Variants in SHROOM3 observed in about 807,000 individuals in gnomAD.
SHROOM3 encodes the protein protein Shroom3.
A neutral mutation model predicts 138.6 loss-of-function variants in SHROOM3; 47 were observed. The observed-to-expected ratio is 0.34, with a 90% CI of 0.27 to 0.43. The LOEUF (loss-of-function observed/expected upper bound fraction) is 0.43. SHROOM3 is among the 20% of genes least tolerant of loss of function. SHROOM3 has a pLI of 1.00. For synonymous variants in SHROOM3, 1,062 were observed against 1,063.3 expected (o/e 1.00, Z 0.02); for missense variants, 2,491 against 2,596.5 (o/e 0.96, Z 0.88).
chr4:76,611,377 G>A (rs958974937), intron 2 of SHROOM3, among the ~76,000 whole-genome samples: 3 of 151,476 alleles, frequency 2.0e-5, no homozygotes, highest in African/African-American at 4.9e-5. Flanking sequence ...AAACGATCTC[G>A]TTGTTTTGGT....
intron 5 of SHROOM3, 119 bp from the exon 6 acceptor site, chr4:76,748,898 G>A: frequency 1.2e-6 from 1 of 827,748 alleles, no homozygotes; most frequent in Non-Finnish European, 2.1e-6. Context: ...CCACCACGTG[G>A]CCTGACAATA....
intron 1 of SHROOM3, among the ~76,000 whole-genome samples, chr4:76,519,785 G>C (rs1046278559): frequency 1.3e-5 from 2 of 152,120 alleles, no homozygotes; most frequent in Non-Finnish European, 1.5e-5. Flanking sequence ...ATGTGCATCT[G>C]GGTGTATTAT....
Position 76,741,892 on chromosome 4 carries a change from C to T in SHROOM3, c.3719C>T (p.Ser1240Phe). Residue 1240 changes from serine to phenylalanine, a missense_variant, in exon 5 of 11, where the codon TCC becomes TTC. By Grantham distance (155) the Ser-to-Phe change is radical. Transcript: ENST00000296043. The surrounding 1 kb of genome is among the most constrained non-coding windows in gnomAD (Gnocchi z 6.2). Reference protein sequence around the residue: ...DVLAGPVHVRSRSSPATADKR... With the variant: ...DVLAGPVHVRFRSSPATADKR... The stretch of plus-strand genomic sequence containing the variant: ...CTTGCGGGCCCTGTCCATGTGAGGT[C>T]CAGGTCATCTCCCGCCACCGCAGAC... 6.2e-7 allele frequency: 1 copy of T among 1,612,362 alleles called. No individual in the cohort carries two copies. Among genetic ancestry groups the T allele is most frequent in the East Asian group, 2.2e-5 (1 of 44,862 alleles).
At chr4:76,677,421 G>A (rs1017685164) in intron 2 of SHROOM3, among the ~76,000 whole-genome samples, 5 of 152,104 alleles carry the variant, frequency 3.3e-5, no homozygotes, top group Non-Finnish European at 7.4e-5. Flanking sequence ...GTTGAGCTTC[G>A]TTTTCTCTTC....
At chr4:76,694,545 ACAGTGGAAAGGT>A (rs1472138945) in intron 2 of SHROOM3, among the ~76,000 whole-genome samples, 1 of 152,230 alleles carries the variant, frequency 6.6e-6, no homozygotes, top group Non-Finnish European at 1.5e-5. Context: ...GCAATTGAGT[ACAGTGGAAAGGT>A]CAGAGACTGT....
At chr4:76,589,512 A>G (rs1379862675) in intron 2 of SHROOM3, among the ~76,000 whole-genome samples, 2 of 152,040 alleles carry the variant, frequency 1.3e-5, no homozygotes, top group East Asian at 1.9e-4. Flanking sequence ...TCAGTCACTG[A>G]AGGAGGACTT....
Position 76,740,288 on chromosome 4 carries a change from G to A in SHROOM3, c.2115G>A (p.Gly705=), listed in dbSNP as rs1721202283. ...CAVNTKAEDP[G]RKAAPDLGSH... ...TCAACACCAAGGCAGAAGACCCTGG[G>A]AGGAAAGCCGCTCCTGACCTCGGGA... The change falls in exon 5 of 11, where the codon GGG becomes GGA. Residue 705 remains glycine, a synonymous_variant. Coordinates refer to ENST00000296043, the MANE Select transcript of SHROOM3 (RefSeq NM_020859.4). This position sits in a 1 kb window ranked among gnomAD's most constrained non-coding sequence, Gnocchi z 4.0. 7 of 1,613,168 alleles carry A rather than the reference G, an allele frequency of 4.3e-6. No homozygotes were observed. The South Asian group carries it at 5.5e-5, about 13-fold the overall frequency.
intron 2 of SHROOM3, chr4:76,587,232 C>A (rs538767161): frequency 2.0e-5 from 3 of 152,232 alleles, no homozygotes; most frequent in Non-Finnish European, 1.5e-5. Flanking sequence ...GTATTTGTAA[C>A]TTGAGGATTT....
At chr4:76,669,881 C>T (rs918723717) in intron 2 of SHROOM3, among the ~76,000 whole-genome samples, 2 of 152,178 alleles carry the variant, frequency 1.3e-5, no homozygotes, top group African/African-American at 4.8e-5. Context: ...ACTAAGGTTC[C>T]ACATCCATGT....
chr4:76,620,910 T>A (rs1734990961), intron 2 of SHROOM3, among the ~76,000 whole-genome samples: 1 of 151,120 alleles, frequency 6.6e-6, no homozygotes, highest in African/African-American at 2.5e-5. Flanking sequence ...GATGAAAGGA[T>A]GAAGGGGCAC....
At chr4:76,737,636 G>T (rs1721114194) in intron 4 of SHROOM3, among the ~76,000 whole-genome samples, 1 of 147,262 alleles carries the variant, frequency 6.8e-6, no homozygotes, top group Non-Finnish European at 1.5e-5. Flanking sequence ...TAGGTGTGTA[G>T]TGGTATCTTG....
chr4:76,716,348 G>T (rs571420018), intron 3 of SHROOM3: 1 of 518,946 alleles, frequency 1.9e-6, no homozygotes, highest in South Asian at 1.4e-5. Context: ...TTTATTCCAC[G>T]ACTGAATATG....
chr4:76,649,805 C>A (rs1239431242), intron 2 of SHROOM3, among the ~76,000 whole-genome samples: 1 of 152,116 alleles, frequency 6.6e-6, no homozygotes, highest in East Asian at 1.9e-4. Flanking sequence ...TTAGCACAAC[C>A]TTGGTAGGTT....
At chr4:76,524,261 T>G (rs1185328852) in intron 1 of SHROOM3, among the ~76,000 whole-genome samples, 1 of 152,090 alleles carries the variant, frequency 6.6e-6, no homozygotes, top group African/African-American at 2.4e-5. Flanking sequence ...TCCTGGGACA[T>G]GGGACCCAGA....
At chr4:76,725,703 C>T (rs571555546) in intron 3 of SHROOM3, among the ~76,000 whole-genome samples, 2 of 152,286 alleles carry the variant, frequency 1.3e-5, no homozygotes, top group African/African-American at 2.4e-5. Context: ...CTCAACTTTT[C>T]GTGCTACCTA....
At chr4:76,726,978 G>A (rs1024940586) in intron 3 of SHROOM3, among the ~76,000 whole-genome samples, 2 of 152,196 alleles carry the variant, frequency 1.3e-5, no homozygotes, top group Admixed American at 6.5e-5. Flanking sequence ...GCCGTCCTTA[G>A]TGTCACGTGG....
intron 1 of SHROOM3, among the ~76,000 whole-genome samples, chr4:76,442,459 G>A (rs1730712719): frequency 6.8e-6 from 1 of 147,180 alleles, no homozygotes; most frequent in Non-Finnish European, 1.5e-5. Flanking sequence ...GCCCAGGCTG[G>A]AGTGCAGTGG....
intron 2 of SHROOM3, among the ~76,000 whole-genome samples, chr4:76,610,715 A>AT (rs113068018): frequency 0.18 from 27,666 of 152,074 alleles, 2,702 homozygotes; most frequent in East Asian, 0.29. Flanking sequence ...TTATTTTTAA[A>AT]GCTGTTGGCA....
intron 10 of SHROOM3, among the ~76,000 whole-genome samples, chr4:76,771,458 C>T (rs1722354858): frequency 6.6e-6 from 1 of 152,154 alleles, no homozygotes; most frequent in Non-Finnish European, 1.5e-5. Flanking sequence ...GAGTTTCTTT[C>T]CTCCCAACTG....
Sources: gnomAD v4.1 joint callset for allele counts (sites outside exome capture counted in the v4.1 genomes callset) on GRCh38, gnomAD v4.1.1 for gene constraint, Gnocchi (gnomAD v3.1) non-coding constraint, MANE v1.5 for transcripts, NCBI Gene and HGNC (gene_info 2026-07-23, HGNC 2026-07-21) for gene names.